The following ZFR2 variants were observed in gnomAD, a reference collection of about 807,000 sequenced individuals.
ZFR2 encodes the protein zinc finger RNA-binding protein 2.
ZFR2 carries 104 observed loss-of-function variants against 105.7 expected under a neutral mutation model. That is an observed-to-expected ratio of 0.98 (90% CI 0.84 to 1.16). The LOEUF is 1.16. Ranked by LOEUF, ZFR2 falls within the 50% of genes most tolerant of loss-of-function variation. ZFR2 has a pLI of 0.00. For synonymous variants in ZFR2, 634 were observed against 597.7 expected, an observed-to-expected ratio of 1.06 and a Z score of -0.89; for missense variants, 1,425 against 1,355.5, an observed-to-expected ratio of 1.05 and a Z score of -0.80.
chr19:3,824,597 G>A (rs2037928867), intron 7 of ZFR2, among the ~76,000 whole-genome samples: 1 of 152,186 alleles, frequency 6.6e-6, no homozygotes, highest in South Asian at 2.1e-4. Flanking sequence ...TGTAGGTGCA[G>A]GGTGAGGGCT....
intron 16 of ZFR2, among the ~76,000 whole-genome samples, 182 bp downstream of exon 16, chr19:3,810,568 G>T (rs1223735001): frequency 6.6e-6 from 1 of 152,270 alleles, no homozygotes; most frequent in Non-Finnish European, 1.5e-5. Context: ...GTCAAATGAG[G>T]CTGTGGAGAG....
intron 6 of ZFR2, among the ~76,000 whole-genome samples, chr19:3,827,234 T>C (rs970310790): frequency 1.3e-5 from 2 of 152,130 alleles, no homozygotes; most frequent in African/African-American, 4.8e-5. Flanking sequence ...AGGACGAGAC[T>C]TTGTCCCCAT....
At chr19:3,819,806 T>C (rs2145145214) in intron 11 of ZFR2, among the ~76,000 whole-genome samples, 1 of 147,226 alleles carries the variant, frequency 6.8e-6, no homozygotes, top group South Asian at 2.1e-4. Flanking sequence ...GAGGCCACGA[T>C]TGCACCGCTA....
In ZFR2 at chr19:3,833,633, G is replaced by A. The variant is rs187249358; in HGVS notation, c.379+31C>T. Reference sequence around the variant, plus strand: ...CCTGTGCTGCGGGGAGCGTCTCCTCGTTCCCAGCCCCGACCCTGCAGATGG... The same window carrying A: ...CCTGTGCTGCGGGGAGCGTCTCCTCATTCCCAGCCCCGACCCTGCAGATGG... On this transcript the variant is annotated intron_variant, in intron 3 of 18. Coordinates refer to ENST00000262961, the MANE Select transcript of ZFR2 (RefSeq NM_015174.2). The A allele has an allele frequency of 6.8e-5, 102 of 1,507,146 alleles. No individual in the cohort carries two copies. In the Middle Eastern group the frequency reaches 8.5e-4, roughly 13 times the overall value. The allele number at this position is 1,507,146 out of a possible 1,614,324, so 93.4% of individuals were successfully genotyped here.
chr19:3,807,108 C>G, intron 18 of ZFR2, 64 bp downstream of exon 18: 1 of 1,279,824 alleles, frequency 7.8e-7, no homozygotes, highest in Admixed American at 2.1e-5. Flanking sequence ...TCGGGGAACA[C>G]TGCACAGCTG....
intron 1 of ZFR2, among the ~76,000 whole-genome samples, chr19:3,849,770 T>C (rs1033221110): frequency 6.6e-6 from 1 of 152,210 alleles, no homozygotes; most frequent in Admixed American, 6.5e-5. Flanking sequence ...CACGCTCTTC[T>C]TGTAGACAAC....
rs752627718 is a variant in ZFR2 at position 3,866,797 on chromosome 19, CA to C, written c.53+2167del. 1.7e-3 allele frequency among the ~76,000 whole-genome samples: 257 copies of C among 152,182 alleles called. 1 individual carries two copies. The highest frequency in any genetic ancestry group is 2.6e-3 in the Admixed American group (40 of 15,270). ...GCCGCTTTAACTGAGCCCTGGCAAT[CA>C]AAACACCACTGAGGATGAAGGAAGC... On this transcript the variant is annotated intron_variant, in intron 1 of 18. Coordinates refer to ENST00000262961, the MANE Select transcript of ZFR2 (RefSeq NM_015174.2).
intron 16 of ZFR2, among the ~76,000 whole-genome samples, chr19:3,809,777 C>T (rs1387252657): frequency 6.6e-6 from 1 of 152,074 alleles, no homozygotes; most frequent in Non-Finnish European, 1.5e-5. Flanking sequence ...AACCCCATCT[C>T]TACTAAAAAT....
chr19:3,812,907 T>A lies in ZFR2; in HGVS notation c.2242+913A>T, dbSNP rs112389780. 2.8e-3 allele frequency among the ~76,000 whole-genome samples: 428 copies of A among 152,216 alleles called. 5 individuals are homozygous for A. Among genetic ancestry groups the A allele is most frequent in the African/African-American group, 9.8e-3 (407 of 41,528 alleles). On this transcript the variant is annotated intron_variant, in intron 14 of 18. Coordinates refer to ENST00000262961, the MANE Select transcript of ZFR2 (RefSeq NM_015174.2). The stretch of plus-strand genomic sequence containing the variant: ...CAACCTGGCCAACCTGGTAAAACCC[T>A]GTCTCTACTAAAAATACAAAAAAAT...
intron 6 of ZFR2, among the ~76,000 whole-genome samples, chr19:3,826,929 G>T (rs577099240): frequency 6.6e-6 from 1 of 152,234 alleles, no homozygotes; most frequent in South Asian, 2.1e-4. Context: ...TTTGTGCAAT[G>T]AGCAGGAACC....
intron 1 of ZFR2, among the ~76,000 whole-genome samples, chr19:3,837,255 C>A (rs1462641414): frequency 6.6e-6 from 1 of 152,234 alleles, no homozygotes; most frequent in Non-Finnish European, 1.5e-5. Context: ...ATTCCTCTAG[C>A]ATTTTCACAC....
Position 3,819,250 on chromosome 19 carries a change from C to A in ZFR2, c.1741-15G>T. On this transcript the variant is annotated splice_polypyrimidine_tract_variant and intron_variant, in intron 11 of 18. Transcript: ENST00000262961. ...CGCCGCCCGGGCTGTGGGGAGAGGC[C>A]GCACGTGTCAAGGGTGGTCTGTGGG... 6.6e-7 allele frequency: 1 copy of A among 1,512,848 alleles called. No homozygotes were observed. Among genetic ancestry groups the A allele is most frequent in the Non-Finnish European group, 8.8e-7 (1 of 1,139,296 alleles). The allele number at this position is 1,512,848 out of a possible 1,614,324, so 93.7% of individuals were successfully genotyped here. A position where few individuals can be genotyped will look rare whatever the true frequency, so the allele number is the denominator to read the frequency against.
rs1221948295 is a variant in ZFR2 at position 3,808,877 on chromosome 19, A to G, written c.2540T>C (p.Leu847Pro). ...CCTCCGGCCCAGCGACTGACCTGTC[A>G]GGAGCGTCCCTGTGGCCACGCACTC... ...VLECVATGTL[L>P]TDGPGLQDPC... is the part of the protein sequence containing the mutation. The change falls in exon 17 of 19, where the codon CTG becomes CCG. Residue 847 changes from leucine (L) to proline (P), a missense_variant. Coordinates refer to ENST00000262961, the MANE Select transcript of ZFR2 (RefSeq NM_015174.2). 3 of 1,549,508 alleles carry G rather than the reference A, an allele frequency of 1.9e-6. No individual in the cohort carries two copies. Among genetic ancestry groups the G allele is most frequent in the Non-Finnish European group, 2.6e-6 (3 of 1,149,372 alleles).
intron 14 of ZFR2, among the ~76,000 whole-genome samples, 199 bp from the exon 15 acceptor site, chr19:3,811,565 C>T (rs1379757747): frequency 2.0e-5 from 3 of 151,778 alleles, no homozygotes; most frequent in Admixed American, 1.3e-4. Flanking sequence ...AGTGATTCTC[C>T]TGCCTCAGCC....
chr19:3,850,022 A>G (rs998851037), intron 1 of ZFR2, among the ~76,000 whole-genome samples: 1 of 152,028 alleles, frequency 6.6e-6, no homozygotes, highest in Non-Finnish European at 1.5e-5. Context: ...ATCAGGCAAG[A>G]TACCCTTGAC....
intron 1 of ZFR2, 72 bp downstream of exon 1, chr19:3,868,880 CACGCGGCGGGAGA>C: frequency 9.0e-7 from 1 of 1,110,524 alleles, no homozygotes; most frequent in Non-Finnish European, 1.2e-6. Flanking sequence ...GGGCCGGGCG[CACGCGGCGGGAGA>C]AGGGGTAGGC....
chr19:3,842,533 A>G (rs2145172578), intron 1 of ZFR2, among the ~76,000 whole-genome samples: 1 of 152,332 alleles, frequency 6.6e-6, no homozygotes, highest in Admixed American at 6.5e-5. Context: ...ATAGAATTCA[A>G]CCATTTAAAG....
intron 1 of ZFR2, among the ~76,000 whole-genome samples, chr19:3,856,749 G>T (rs960080257): frequency 6.6e-6 from 1 of 152,294 alleles, no homozygotes; most frequent in African/African-American, 2.4e-5. Flanking sequence ...TTTATTTTTG[G>T]AGACGGAGTC....
At chr19:3,821,546 T>C in intron 9 of ZFR2, 67 bp from the exon 10 acceptor site, 2 of 1,451,956 alleles carry the variant, frequency 1.4e-6, no homozygotes, top group East Asian at 2.5e-5. Flanking sequence ...AGGAGGATCT[T>C]GGGGTGCAGG....
Sources: gnomAD v4.1 joint callset for allele counts (sites outside exome capture counted in the v4.1 genomes callset) on GRCh38, gnomAD v4.1.1 for gene constraint, MANE v1.5 for transcripts, NCBI Gene and HGNC (gene_info 2026-07-23, HGNC 2026-07-21) for gene names.